Variants in ROCK2 observed in about 807,000 individuals in gnomAD.
ROCK2 encodes the protein rho-associated protein kinase 2.
In ROCK2, 61 loss-of-function variants were observed where a neutral mutation model predicts 195.1. The observed-to-expected ratio is 0.31, with a 90% CI of 0.25 to 0.39. The LOEUF (loss-of-function observed/expected upper bound fraction) is 0.39, where lower values mean the gene tolerates loss of function less well. Ranked by LOEUF, ROCK2 falls within the 10% of genes least tolerant of loss-of-function variation. The pLI is 1.00. For synonymous variants in ROCK2, 504 were observed against 545.5 expected (o/e 0.92, Z 1.06); for missense variants, 1,109 against 1,637.4 (o/e 0.68, Z 5.57).
At chr2:11,227,985 A>G (rs2148088031) in intron 5 of ROCK2, among the ~76,000 whole-genome samples, 1 of 152,306 alleles carries the variant, frequency 6.6e-6, no homozygotes, top group South Asian at 2.1e-4. Flanking sequence ...TGGCATCAAT[A>G]TATTTGGCAT....
intron 27 of ROCK2, among the ~76,000 whole-genome samples, chr2:11,196,972 TTTC>T (rs1210334881): frequency 6.6e-6 from 1 of 152,208 alleles, no homozygotes; most frequent in African/African-American, 2.4e-5. Flanking sequence ...ATGTGGAGTT[TTTC>T]TTTTGTATGT....
intron 1 of ROCK2, among the ~76,000 whole-genome samples, chr2:11,305,058 T>A (rs1572386278): frequency 6.6e-6 from 1 of 152,138 alleles, no homozygotes; most frequent in East Asian, 1.9e-4. Context: ...TGTATCAATA[T>A]GAATTAACAG....
intron 1 of ROCK2, among the ~76,000 whole-genome samples, chr2:11,322,950 C>T (rs957765971): frequency 4.6e-5 from 7 of 152,120 alleles, no homozygotes; most frequent in Non-Finnish European, 5.9e-5. Flanking sequence ...TACAGTGAAA[C>T]GCTCTCTTCA....
At chr2:11,338,945 C>CT (rs1450442938) in intron 1 of ROCK2, among the ~76,000 whole-genome samples, 1 of 151,198 alleles carries the variant, frequency 6.6e-6, no homozygotes, top group African/African-American at 2.4e-5. Flanking sequence ...ATGACTGCCT[C>CT]TAATAGAAGA....
intron 1 of ROCK2, among the ~76,000 whole-genome samples, chr2:11,336,775 C>T (rs1361636303): frequency 6.6e-6 from 1 of 152,158 alleles, no homozygotes; most frequent in Non-Finnish European, 1.5e-5. Flanking sequence ...AAATTAACTT[C>T]AACCCCTAAC....
At chr2:11,297,383 A>G (rs990351661) in intron 1 of ROCK2, among the ~76,000 whole-genome samples, 2 of 152,114 alleles carry the variant, frequency 1.3e-5, no homozygotes, top group Non-Finnish European at 2.9e-5. Flanking sequence ...AATATAGCAA[A>G]TCTAAGTAAA....
At chr2:11,207,933 G>C in intron 19 of ROCK2, 23 bp from the exon 20 acceptor site, 3 of 1,432,270 alleles carry the variant, frequency 2.1e-6, no homozygotes, top group Non-Finnish European at 2.8e-6. Flanking sequence ...TTGTGTACTT[G>C]GTATATAAGT....
chr2:11,219,698 AATC>A (rs1246239360), intron 9 of ROCK2, among the ~76,000 whole-genome samples: 13 of 151,872 alleles, frequency 8.6e-5, no homozygotes, highest in Non-Finnish European at 1.5e-4. Context: ...ATAGCGGTAC[AATC>A]ATAGCTCCCT....
At chr2:11,244,531 A>T (rs1050207128) in intron 4 of ROCK2, among the ~76,000 whole-genome samples, 1 of 152,106 alleles carries the variant, frequency 6.6e-6, no homozygotes, top group Non-Finnish European at 1.5e-5. Flanking sequence ...TTTGGTAAGC[A>T]GAGATAGGAG....
At chr2:11,286,676 CAT>C (rs779416320) in intron 2 of ROCK2, 37 bp from the exon 3 acceptor site, 1 of 1,086,752 alleles carries the variant, frequency 9.2e-7, no homozygotes, top group Non-Finnish European at 1.4e-6. Context: ...TAATATCAAT[CAT>C]ATTTATATTT....
chr2:11,215,038 G>A lies in ROCK2; in HGVS notation c.1738C>T (p.Arg580Trp), dbSNP rs377618955. 1.2e-5 allele frequency: 19 copies of A among 1,613,848 alleles called. No individual in the cohort carries two copies. The highest frequency in any genetic ancestry group is 2.2e-5 in the East Asian group (1 of 44,880). Residue 580 changes from arginine to tryptophan, a missense_variant, in exon 16 of 33, where the codon CGG becomes TGG. By Grantham distance (101) the Arg-to-Trp change is moderately radical. This residue lies in a region of ROCK2 where 542 missense variants were observed against 672.0 expected (regional missense o/e 0.81). Coordinates refer to ENST00000315872, the MANE Select transcript of ROCK2 (RefSeq NM_004850.5). ...CTTTCTGCCTGGGTTTTCCTTAACC[G>A]GGCTGCAGTATCAGACTCTGTTCGC... is the stretch of plus-strand genomic sequence containing the variant. ...LLRTESDTAA[R>W]LRKTQAESSK...
chr2:11,277,782 T>C (rs151073780), intron 3 of ROCK2, among the ~76,000 whole-genome samples: 2 of 152,214 alleles, frequency 1.3e-5, no homozygotes, highest in East Asian at 1.9e-4. Context: ...ATGGTGCTGC[T>C]ATAAACGTGT....
intron 4 of ROCK2, among the ~76,000 whole-genome samples, chr2:11,247,232 A>G (rs998133791): frequency 6.6e-6 from 1 of 152,134 alleles, no homozygotes; most frequent in African/African-American, 2.4e-5. Context: ...ATAAATGCTA[A>G]TTGGTCCAGG....
intron 3 of ROCK2, among the ~76,000 whole-genome samples, chr2:11,272,061 G>A (rs946608666): frequency 1.3e-5 from 2 of 151,694 alleles, no homozygotes; most frequent in African/African-American, 4.8e-5. Flanking sequence ...TTCATTTGGA[G>A]CAGATCTGAG....
intron 1 of ROCK2, among the ~76,000 whole-genome samples, chr2:11,298,397 G>A (rs1667601180): frequency 6.7e-6 from 1 of 149,012 alleles, no homozygotes; most frequent in Non-Finnish European, 1.5e-5. Flanking sequence ...TTGAGCCTGG[G>A]AGGCAGAGGC....
chr2:11,309,013 G>T (rs147649220), intron 1 of ROCK2: 1 of 1,534,728 alleles, frequency 6.5e-7, no homozygotes, highest in South Asian at 1.2e-5. Context: ...TCTGTGTAGC[G>T]TATTCACCCT....
chr2:11,224,289 G>A (rs548368024), intron 7 of ROCK2, 33 bp downstream of exon 7: 10 of 1,557,528 alleles, frequency 6.4e-6, no homozygotes, highest in Non-Finnish European at 8.7e-6. Flanking sequence ...TAACATAAAG[G>A]GCTTCTCTAC....
At chr2:11,335,108 T>TACACAG (rs1668885894) in intron 1 of ROCK2, among the ~76,000 whole-genome samples, 1 of 145,028 alleles carries the variant, frequency 6.9e-6, no homozygotes, top group African/African-American at 2.6e-5. Context: ...CTTTGACTGA[T>TACACAG]ACACACACAC....
intron 1 of ROCK2, among the ~76,000 whole-genome samples, chr2:11,289,747 G>A (rs558465136): frequency 2.6e-5 from 4 of 152,210 alleles, no homozygotes; most frequent in South Asian, 2.1e-4. Flanking sequence ...TTGCTCCCCC[G>A]TATCTTCCCC....
Sources: allele counts gnomAD v4.1 joint callset (sites outside exome capture counted in the v4.1 genomes callset), GRCh38; gene constraint gnomAD v4.1.1; regional missense constraint gnomAD v4.1.1; transcripts MANE v1.5; gene names NCBI Gene and HGNC (gene_info 2026-07-23, HGNC 2026-07-21).